GUCY1A2: variants seen among roughly 807,000 people sequenced by gnomAD.
GUCY1A2 encodes guanylate cyclase 1 soluble subunit alpha 2, also known as guanylate cyclase soluble subunit alpha-2.
In GUCY1A2, 27 loss-of-function variants were observed where a neutral mutation model predicts 63.5. The ratio of observed to expected loss-of-function variants is 0.43; its 90% CI spans 0.31 to 0.59. The LOEUF (loss-of-function observed/expected upper bound fraction) is 0.59, where lower values mean the gene tolerates loss of function less well. Among genes scored for constraint, GUCY1A2 ranks in the 20% least tolerant of loss-of-function variants. GUCY1A2 has a pLI of 0.11. For missense variants in GUCY1A2, 768 were observed against 913.3 expected (o/e 0.84, Z 2.05); for synonymous variants, 364 against 343.5 (o/e 1.06, Z -0.66).
At chr11:106,709,395 A>C (rs1341317105) in intron 6 of GUCY1A2, among the ~76,000 whole-genome samples, 1 of 99,116 alleles carries the variant, frequency 1.0e-5, no homozygotes, top group African/African-American at 4.2e-5. Flanking sequence ...TATATTATAT[A>C]AATTATATAT....
At chr11:106,739,960 C>A (rs1242273043) in intron 6 of GUCY1A2, among the ~76,000 whole-genome samples, 1 of 150,904 alleles carries the variant, frequency 6.6e-6, no homozygotes, top group African/African-American at 2.4e-5. Context: ...TCTAGTCTGC[C>A]GTAAGTACCA....
At chr11:106,714,843 A>C (rs968830677) in intron 6 of GUCY1A2, among the ~76,000 whole-genome samples, 1 of 152,174 alleles carries the variant, frequency 6.6e-6, no homozygotes, top group Non-Finnish European at 1.5e-5. Flanking sequence ...CCCAAATATC[A>C]ACAGTGCCAA....
At chr11:106,944,215 C>CAAAAAAAAAAAAGAAAAAA (rs1860792344) in intron 3 of GUCY1A2, among the ~76,000 whole-genome samples, 1 of 21,576 alleles carries the variant, frequency 4.6e-5, no homozygotes, top group Non-Finnish European at 7.7e-5. Context: ...ACCCTGTCTC[C>CAAAAAAAAAAAAGAAAAAA]AAAAAAAAAA....
At chr11:106,806,679 C>A (rs188051887) in intron 5 of GUCY1A2, among the ~76,000 whole-genome samples, 297 of 152,244 alleles carry the variant, frequency 2.0e-3, no homozygotes, top group Admixed American at 3.3e-3. Context: ...AAATTATAAC[C>A]CAGGCTTTCT....
At chr11:106,978,215 G>GT (rs1565349121) in intron 3 of GUCY1A2, among the ~76,000 whole-genome samples, 1 of 152,134 alleles carries the variant, frequency 6.6e-6, no homozygotes, top group African/African-American at 2.4e-5. Flanking sequence ...ATTGTAGAGT[G>GT]TTAACAGTAC....
At chr11:106,798,820 CA>C (rs1565293521) in intron 5 of GUCY1A2, among the ~76,000 whole-genome samples, 1 of 151,756 alleles carries the variant, frequency 6.6e-6, no homozygotes, top group Non-Finnish European at 1.5e-5. Flanking sequence ...ACTGAATGGG[CA>C]AAAACTGGAA....
intron 4 of GUCY1A2, among the ~76,000 whole-genome samples, chr11:106,921,176 A>C (rs957778750): frequency 1.3e-5 from 2 of 152,158 alleles, no homozygotes; most frequent in Admixed American, 1.3e-4. Flanking sequence ...TATTTTTAAA[A>C]CTTGTTTATG....
intron 1 of GUCY1A2, among the ~76,000 whole-genome samples, chr11:106,992,105 C>T (rs1387512734): frequency 6.6e-6 from 1 of 152,142 alleles, no homozygotes; most frequent in Non-Finnish European, 1.5e-5. Flanking sequence ...AACCTTCAAC[C>T]TTTACTGCAC....
rs191521978 is a variant in GUCY1A2, at chr11:106,818,631, G to A, written c.1207-8153C>T. On this transcript the variant is annotated intron_variant, in intron 4 of 7. Coordinates refer to ENST00000526355, the MANE Select transcript of GUCY1A2 (RefSeq NM_000855.3). ...TATATCAAATGCTAGAAATGATTAAGCTTAGTAAGAAAGGCATGTCGAAAG... is the reference window on the plus strand; with the variant it reads ...TATATCAAATGCTAGAAATGATTAAACTTAGTAAGAAAGGCATGTCGAAAG... Among the ~76,000 whole-genome samples, 7 of 152,254 alleles carry A rather than the reference G, an allele frequency of 4.6e-5. No individual in the cohort carries two copies. The East Asian group carries it at 1.2e-3, about 25-fold the overall frequency.
intron 4 of GUCY1A2, among the ~76,000 whole-genome samples, chr11:106,875,691 A>G (rs1221523020): frequency 2.0e-5 from 3 of 152,126 alleles, no homozygotes; most frequent in Admixed American, 1.3e-4. Context: ...GGCCAACTAT[A>G]GAATTCATTA....
chr11:106,708,722 T>A, intron 6 of GUCY1A2, 56 bp from the exon 7 acceptor site: 2 of 1,230,682 alleles, frequency 1.6e-6, no homozygotes, highest in Non-Finnish European at 2.2e-6. Context: ...GGTATGCAAT[T>A]ATTTTAATGA....
At chr11:106,943,281 T>A (rs1860775123) in intron 3 of GUCY1A2, among the ~76,000 whole-genome samples, 1 of 152,202 alleles carries the variant, frequency 6.6e-6, no homozygotes, top group African/African-American at 2.4e-5. Context: ...CTACTTACAG[T>A]AAATCATTTG....
At chr11:106,918,782 T>C (rs1356582138) in intron 4 of GUCY1A2, among the ~76,000 whole-genome samples, 1 of 110,434 alleles carries the variant, frequency 9.1e-6, no homozygotes, top group Non-Finnish European at 2.2e-5. Flanking sequence ...TTCCAGTCAA[T>C]GAATTACAAG....
rs948128592 is a variant in GUCY1A2, at chr11:106,679,094, G to A, written c.*8455C>T. The A allele has an allele frequency of 5.4e-6, 1 of 184,844 alleles. No homozygotes were observed. Among genetic ancestry groups the A allele is most frequent in the African/African-American group, 2.3e-5 (1 of 42,574 alleles). The allele number at this position is 184,844 out of a possible 1,614,324, so 11.5% of individuals were successfully genotyped here. A position where few individuals can be genotyped will look rare whatever the true frequency, so the allele number is the denominator to read the frequency against. ...GATATGAGTGAGTTGACTCTTTCAG[G>A]ACAATAAATCTTTGTCTTAAATTCT... On this transcript the variant is annotated 3_prime_UTR_variant, in exon 8 of 8. Transcript: ENST00000526355.
intron 4 of GUCY1A2, among the ~76,000 whole-genome samples, chr11:106,856,906 C>T (rs758256973): frequency 6.6e-5 from 10 of 152,126 alleles, no homozygotes; most frequent in Non-Finnish European, 7.4e-5. Flanking sequence ...TCACTTAAAC[C>T]GTACAGTTTA....
chr11:106,808,055 G>C (rs1334779543), intron 5 of GUCY1A2, among the ~76,000 whole-genome samples: 1 of 152,164 alleles, frequency 6.6e-6, no homozygotes, highest in African/African-American at 2.4e-5. Flanking sequence ...TCCACCTTGT[G>C]ACTGTGTGAG....
intron 5 of GUCY1A2, among the ~76,000 whole-genome samples, chr11:106,778,011 A>G (rs1864389977): frequency 6.6e-6 from 1 of 152,112 alleles, no homozygotes; most frequent in South Asian, 2.1e-4. Flanking sequence ...AAATATTTTA[A>G]ATATTTACCC....
At chr11:106,942,254 C>T (rs1436409597) in intron 3 of GUCY1A2, among the ~76,000 whole-genome samples, 3 of 152,102 alleles carry the variant, frequency 2.0e-5, no homozygotes, top group African/African-American at 7.2e-5. Flanking sequence ...CCTCCTAAAA[C>T]TCTCATCTCT....
intron 1 of GUCY1A2, among the ~76,000 whole-genome samples, chr11:107,012,511 A>AC (rs1861761488): frequency 6.6e-6 from 1 of 152,180 alleles, no homozygotes; most frequent in Non-Finnish European, 1.5e-5. Flanking sequence ...CTAATTCACA[A>AC]AAGAGGAAAC....
Sources: allele counts gnomAD v4.1 joint callset (sites outside exome capture counted in the v4.1 genomes callset), GRCh38; gene constraint gnomAD v4.1.1; transcripts MANE v1.5; gene names NCBI Gene and HGNC (gene_info 2026-07-23, HGNC 2026-07-21).